The following ARMH3 variants were observed in gnomAD, a reference collection of about 807,000 sequenced individuals.
ARMH3 encodes armadillo like helical domain containing 3, also known as armadillo-like helical domain-containing protein 3.
In ARMH3, 60 loss-of-function variants were observed where a neutral mutation model predicts 99.1. That is an observed-to-expected ratio of 0.61 (90% CI 0.49 to 0.75). The LOEUF is 0.75. Among genes scored for constraint, ARMH3 ranks in the 30% least tolerant of loss-of-function variants. The probability of loss-of-function intolerance (pLI) is 0.00; values close to 1 mark genes in which losing one functional copy is unlikely to be tolerated. For missense variants in ARMH3, 679 were observed against 843.1 expected, an observed-to-expected ratio of 0.81 and a Z score of 2.41; for synonymous variants, 285 against 292.8, an observed-to-expected ratio of 0.97 and a Z score of 0.27.
At chr10:101,946,714 G>C (rs1163848685) in intron 22 of ARMH3, among the ~76,000 whole-genome samples, 1 of 152,022 alleles carries the variant, frequency 6.6e-6, no homozygotes, top group East Asian at 1.9e-4. Context: ...TCTCAGAAAA[G>C]GAGGAGACAG....
chr10:102,024,776 G>C (rs992771557), intron 6 of ARMH3, among the ~76,000 whole-genome samples: 1 of 150,036 alleles, frequency 6.7e-6, no homozygotes, highest in Non-Finnish European at 1.5e-5. Context: ...CCGAGATCAC[G>C]CCATTGCACT....
At chr10:102,011,688 T>C (rs779693388) in intron 11 of ARMH3, 35 bp downstream of exon 11, 42 of 1,563,056 alleles carry the variant, frequency 2.7e-5, no homozygotes, top group Non-Finnish European at 1.7e-6. Flanking sequence ...ACTGTTTCTG[T>C]TTTTTTCAGG....
chr10:101,936,807 G>A (rs1298380577), intron 23 of ARMH3, among the ~76,000 whole-genome samples: 1 of 152,190 alleles, frequency 6.6e-6, no homozygotes, highest in African/African-American at 2.4e-5. Flanking sequence ...CATACAGACA[G>A]AGGAAGATTA....
chr10:101,871,683 C>T (rs769364279), intron 24 of ARMH3, among the ~76,000 whole-genome samples: 1 of 152,068 alleles, frequency 6.6e-6, no homozygotes, highest in Non-Finnish European at 1.5e-5. Context: ...AATGTAAAAG[C>T]CAGAATTACA....
intron 1 of ARMH3, among the ~76,000 whole-genome samples, chr10:102,045,296 C>G (rs1310688473): frequency 6.6e-6 from 1 of 152,088 alleles, no homozygotes; most frequent in Non-Finnish European, 1.5e-5. Flanking sequence ...AAGATCCCTG[C>G]TCTCACAGAA....
At chr10:101,965,660 G>C (rs1234581959) in intron 20 of ARMH3, among the ~76,000 whole-genome samples, 1 of 152,190 alleles carries the variant, frequency 6.6e-6, no homozygotes, top group African/African-American at 2.4e-5. Context: ...AATTACTGCA[G>C]TAAAATATTT....
chr10:102,010,658 C>T (rs1388895297), intron 11 of ARMH3, among the ~76,000 whole-genome samples: 2 of 152,280 alleles, frequency 1.3e-5, no homozygotes, highest in East Asian at 3.9e-4. Context: ...ATACCTCTTC[C>T]ACCTCCTTAA....
chr10:102,016,587 G>A (rs2066754522), intron 8 of ARMH3, among the ~76,000 whole-genome samples: 1 of 152,202 alleles, frequency 6.6e-6, no homozygotes, highest in African/African-American at 2.4e-5. Context: ...TAATTTCTGA[G>A]AAATGTCATG....
intron 20 of ARMH3, among the ~76,000 whole-genome samples, chr10:101,966,199 GGGT>G (rs894008146): frequency 5.4e-5 from 8 of 148,134 alleles, no homozygotes; most frequent in Non-Finnish European, 1.0e-4. Flanking sequence ...TCCACCTCCC[GGGT>G]TCAAGCGATT....
In ARMH3 at chr10:102,033,155, T is replaced by C; in HGVS notation, c.177A>G (p.Leu59=). Residue 59 remains leucine, a synonymous_variant, in exon 4 of 26, where the codon CTA becomes CTG. Transcript: ENST00000370033. ...CATCAAGAGATTCCAGCTTGCCTTC[T>C]AGGTACTCTAAATTCACCTGCCAAG... ...LFLMKVNLEY[L]EGKLESLDGE... 1 of 1,614,208 alleles carries C rather than the reference T, an allele frequency of 6.2e-7. No individual in the cohort carries two copies. The highest frequency in any genetic ancestry group is 8.5e-7 in the Non-Finnish European group (1 of 1,180,036).
chr10:102,026,600 G>C (rs548517252), intron 5 of ARMH3, among the ~76,000 whole-genome samples: 12 of 152,290 alleles, frequency 7.9e-5, no homozygotes. Flanking sequence ...CCTGGTGTGG[G>C]GTTGGAATAA....
intron 18 of ARMH3, among the ~76,000 whole-genome samples, chr10:101,990,956 T>C (rs536371209): frequency 9.2e-5 from 14 of 152,306 alleles, no homozygotes; most frequent in Admixed American, 7.2e-4. Context: ...GACTAGACAA[T>C]GAAGCAAGCT....
intron 24 of ARMH3, among the ~76,000 whole-genome samples, chr10:101,887,890 G>A (rs187175924): frequency 4.6e-5 from 7 of 152,032 alleles, no homozygotes; most frequent in African/African-American, 1.7e-4. Flanking sequence ...GAAGTTGGAG[G>A]AGGCTGAGGA....
intron 23 of ARMH3, among the ~76,000 whole-genome samples, chr10:101,904,447 G>C (rs553770246): frequency 2.6e-4 from 39 of 152,044 alleles, no homozygotes; most frequent in Non-Finnish European, 3.4e-4. Context: ...ATAATTCAGT[G>C]AATCTGCAAA....
At chr10:102,011,618 C>T (rs2066629681) in intron 11 of ARMH3, 105 bp downstream of exon 11, 2 of 873,950 alleles carry the variant, frequency 2.3e-6, no homozygotes, top group Admixed American at 2.7e-5. Context: ...CTCTTGTCAT[C>T]ATGCCATCAC....
At chr10:102,021,983 C>T (rs1477186980) in intron 8 of ARMH3, among the ~76,000 whole-genome samples, 1 of 152,140 alleles carries the variant, frequency 6.6e-6, no homozygotes, top group African/African-American at 2.4e-5. Context: ...AATCACCATG[C>T]CCAGCCTAGA....
At position 101,920,561 on chromosome 10, in the gene ARMH3, C is replaced by T. The variant is rs114383641; in HGVS notation, c.1781+19302G>A. ...AGACAGAAAGAGGCAGGCAAGATGA[C>T]AGGTGAGATCAGAGACTATGAGAAT... is the stretch of plus-strand genomic sequence containing the variant. On this transcript the variant is annotated intron_variant, in intron 23 of 25. Coordinates refer to ENST00000370033, the MANE Select transcript of ARMH3 (RefSeq NM_024541.3). Among the ~76,000 whole-genome samples the T allele has an allele frequency of 9.4e-3, 1,429 of 152,182 alleles. 18 individuals are homozygous for T. Among genetic ancestry groups the T allele is most frequent in the African/African-American group, 0.033 (1,355 of 41,496 alleles).
chr10:101,882,959 G>A (rs1476432142), intron 24 of ARMH3, among the ~76,000 whole-genome samples: 1 of 152,182 alleles, frequency 6.6e-6, no homozygotes, highest in Non-Finnish European at 1.5e-5. Flanking sequence ...TTCAGGGTGT[G>A]TACTAACTCT....
chr10:102,013,928 G>C (rs1478362278), intron 9 of ARMH3, 40 bp downstream of exon 9: 1 of 1,499,472 alleles, frequency 6.7e-7, no homozygotes, highest in East Asian at 2.3e-5. Flanking sequence ...ACCATTGAAT[G>C]CAAATAAGTA....
Sources: gnomAD v4.1 joint callset for allele counts (sites outside exome capture counted in the v4.1 genomes callset) on GRCh38, gnomAD v4.1.1 for gene constraint, MANE v1.5 for transcripts, NCBI Gene and HGNC (gene_info 2026-07-23, HGNC 2026-07-21) for gene names.